The following PDE10A variants were observed in gnomAD, a reference collection of about 807,000 sequenced individuals.
PDE10A encodes the protein phosphodiesterase 10A.
Under a neutral mutation model 97.7 loss-of-function variants are expected in PDE10A, and 39 were observed. The ratio of observed to expected loss-of-function variants is 0.40; its 90% CI spans 0.31 to 0.52. PDE10A has a LOEUF of 0.52. Ranked by LOEUF, PDE10A falls within the 20% of genes least tolerant of loss-of-function variation. PDE10A has a pLI of 0.56. For missense variants in PDE10A, 731 were observed against 1,047.8 expected (o/e 0.70, Z 4.17); for synonymous variants, 371 against 376.8 (o/e 0.98, Z 0.18).
rs1562809403 is a variant in PDE10A at position 165,943,164 on chromosome 6, GAAAGAAAGAAAAAAGAAAGAAAGA to G, written c.-615+44341_-615+44364del. On this transcript the variant is annotated intron_variant, in intron 1 of 19. Transcript: ENST00000366882. Reference sequence around the variant, plus strand: ...AGAGGAGAGAGAGAGAGAGAGAGAAGAAAGAAAGAAAAAAGAAAGAAAGAAAGAAAGAAAGAAAGAAAGAAAGAA... The same window carrying G: ...AGAGGAGAGAGAGAGAGAGAGAGAAGAAGAAAGAAAGAAAGAAAGAAAGAA... 1.6e-3 allele frequency among the ~76,000 whole-genome samples: 127 copies of G among 81,734 alleles called. 7 individuals are homozygous for G. The highest frequency in any genetic ancestry group is 6.2e-3 in the African/African-American group (115 of 18,456). 53.6% of individuals were successfully genotyped at this position (81,734 alleles called of 152,430 possible). A position where few individuals can be genotyped will look rare whatever the true frequency, so the allele number is the denominator to read the frequency against.
intron 1 of PDE10A, among the ~76,000 whole-genome samples, chr6:165,797,322 G>C (rs1778857104): frequency 6.6e-6 from 1 of 152,112 alleles, no homozygotes; most frequent in Non-Finnish European, 1.5e-5. Context: ...AGAATCCACT[G>C]GTAATCCTTG....
intron 1 of PDE10A, among the ~76,000 whole-genome samples, chr6:165,810,162 G>A (rs919302968): frequency 5.3e-5 from 8 of 152,088 alleles, no homozygotes; most frequent in South Asian, 2.1e-4. Flanking sequence ...TTGATCCCCC[G>A]TGAGCTGTGT....
At chr6:165,586,313 G>A (rs1785908098) in intron 1 of PDE10A, among the ~76,000 whole-genome samples, 1 of 152,120 alleles carries the variant, frequency 6.6e-6, no homozygotes, top group Non-Finnish European at 1.5e-5. Flanking sequence ...GAGAAAGAAT[G>A]AGATAGTACA....
At chr6:165,339,465 T>C (rs1234947373) in intron 19 of PDE10A, 107 bp from the exon 20 acceptor site, 7 of 749,898 alleles carry the variant, frequency 9.3e-6, no homozygotes, top group Non-Finnish European at 1.6e-5. Flanking sequence ...TCAAAACAAA[T>C]AATGTTTGTG....
In PDE10A at chr6:165,327,614, A is replaced by G. The variant is rs1365881038; in HGVS notation, c.*5411T>C. ...AGACTGCAAATGAATACATGAAAAA[A>G]TTACACACATGTACAATATTTATAA... On this transcript the variant is annotated 3_prime_UTR_variant, in exon 22 of 22. Coordinates refer to ENST00000539869, the MANE Select transcript of PDE10A (RefSeq NM_001385079.1). The G allele has an allele frequency of 6.6e-6, 1 of 152,260 alleles. No homozygotes were observed. Among genetic ancestry groups the G allele is most frequent in the East Asian group, 1.9e-4 (1 of 5,206 alleles). The allele number at this position is 152,260 out of a possible 1,614,324, so 9.4% of individuals were successfully genotyped here.
chr6:165,473,731 A>G (rs893126284), intron 3 of PDE10A, among the ~76,000 whole-genome samples: 1 of 152,244 alleles, frequency 6.6e-6, no homozygotes, highest in South Asian at 2.1e-4. Flanking sequence ...CTCATATTTA[A>G]TAGAAAAAAA....
At chr6:165,687,338 A>G (rs998302988) in intron 1 of PDE10A, among the ~76,000 whole-genome samples, 2 of 152,236 alleles carry the variant, frequency 1.3e-5, no homozygotes, top group Non-Finnish European at 2.9e-5. Flanking sequence ...AAGGGAAGGA[A>G]GCTACAGACG....
intron 1 of PDE10A, among the ~76,000 whole-genome samples, chr6:165,941,378 T>C (rs1275131185): frequency 6.6e-6 from 1 of 152,188 alleles, no homozygotes; most frequent in Non-Finnish European, 1.5e-5. Context: ...AGAGACTCCC[T>C]CCATGAGCTC....
At chr6:165,376,139 C>T (rs114488560) in intron 18 of PDE10A, among the ~76,000 whole-genome samples, 568 of 152,268 alleles carry the variant, frequency 3.7e-3, no homozygotes, top group African/African-American at 0.013. Context: ...GACAGTGATT[C>T]CTCCAATGAA....
chr6:165,711,807 T>C lies in PDE10A; in HGVS notation c.-614-168239A>G, dbSNP rs4463239. 0.49 allele frequency among the ~76,000 whole-genome samples: 74,059 copies of C among 152,030 alleles called. 18,630 individuals carry two copies. Among genetic ancestry groups the C allele is most frequent in the Non-Finnish European group, 0.56 (38,306 of 67,982 alleles). On this transcript the variant is annotated intron_variant, in intron 1 of 19. Coordinates refer to the PDE10A transcript ENST00000366882. This position sits in a 1 kb window ranked among gnomAD's most constrained non-coding sequence, Gnocchi z 4.5. ...TTTTGTGGCAGTCATGCCTGTGTTATATTGTCTGTACCTTAGTGTAAAATG... is the reference window on the plus strand; with the variant it reads ...TTTTGTGGCAGTCATGCCTGTGTTACATTGTCTGTACCTTAGTGTAAAATG...
intron 1 of PDE10A, among the ~76,000 whole-genome samples, chr6:165,833,643 G>A (rs928584411): frequency 2.6e-5 from 4 of 152,262 alleles, no homozygotes; most frequent in Admixed American, 6.5e-5. Context: ...CCTGGAGGGA[G>A]CAGCTGCTCT....
chr6:165,591,680 T>A (rs1786277658), intron 1 of PDE10A, among the ~76,000 whole-genome samples: 1 of 152,226 alleles, frequency 6.6e-6, no homozygotes, highest in Non-Finnish European at 1.5e-5. Flanking sequence ...ACATGTGTGT[T>A]GTTTTTTGCT....
At chr6:165,960,108 A>G (rs1412863317) in intron 1 of PDE10A, among the ~76,000 whole-genome samples, 2 of 152,224 alleles carry the variant, frequency 1.3e-5, no homozygotes, top group Non-Finnish European at 2.9e-5. Context: ...GTCCACCTAG[A>G]GAGAAAGTGA....
intron 1 of PDE10A, among the ~76,000 whole-genome samples, chr6:165,724,766 G>A (rs558427854): frequency 4.7e-4 from 71 of 152,274 alleles, no homozygotes; most frequent in African/African-American, 1.7e-3. Flanking sequence ...CCTGAACATC[G>A]CAGGAAGCAG....
chr6:165,443,842 T>C (rs2128245316), intron 5 of PDE10A, among the ~76,000 whole-genome samples: 1 of 152,224 alleles, frequency 6.6e-6, no homozygotes, highest in East Asian at 1.9e-4. Flanking sequence ...CATGAAACCA[T>C]TTTTCCTAGG....
intron 1 of PDE10A, among the ~76,000 whole-genome samples, chr6:165,841,505 G>A (rs754929861): frequency 1.1e-4 from 17 of 152,354 alleles, no homozygotes; most frequent in Non-Finnish European, 1.8e-4. Context: ...AGCAGTGGGC[G>A]CTTAACGTTA....
rs150190970 is a variant in PDE10A at position 165,625,739 on chromosome 6, C to T, written c.865+36208G>A. 2.5e-3 allele frequency among the ~76,000 whole-genome samples: 379 copies of T among 152,262 alleles called. 1 individual carries two copies. Among genetic ancestry groups the T allele is most frequent in the East Asian group, 0.012 (60 of 5,178 alleles). On this transcript the variant is annotated intron_variant, in intron 1 of 21. Transcript: ENST00000539869. Reference sequence around the variant, plus strand: ...CTCTCTTGCTGCCATGTAAGAAGTGCCTTTCACCTTCTGCCATGATTGTGA... The same window carrying T: ...CTCTCTTGCTGCCATGTAAGAAGTGTCTTTCACCTTCTGCCATGATTGTGA...
upstream of PDE10A, among the ~76,000 whole-genome samples, chr6:165,663,965 A>C (rs909713643): frequency 6.6e-6 from 1 of 152,192 alleles, no homozygotes; most frequent in Admixed American, 6.5e-5. Flanking sequence ...GGAGCGCAAG[A>C]GCGCACACAG....
At chr6:165,839,418 C>T (rs1352924451) in intron 1 of PDE10A, among the ~76,000 whole-genome samples, 1 of 152,180 alleles carries the variant, frequency 6.6e-6, no homozygotes, top group Non-Finnish European at 1.5e-5. Context: ...TAAAAAGAAA[C>T]TTACATTAAA....
Sources: gnomAD v4.1 joint callset for allele counts (sites outside exome capture counted in the v4.1 genomes callset) on GRCh38, gnomAD v4.1.1 for gene constraint, Gnocchi (gnomAD v3.1) non-coding constraint, MANE v1.5 for transcripts, NCBI Gene and HGNC (gene_info 2026-07-23, HGNC 2026-07-21) for gene names.